Variants in ADGRA2 observed in about 807,000 individuals in gnomAD.
The protein encoded by ADGRA2 is G-protein coupled receptor 124.
In ADGRA2, 61 loss-of-function variants were observed where a neutral mutation model predicts 98.7. That is an observed-to-expected ratio of 0.62 (90% confidence interval 0.50 to 0.76). The LOEUF is 0.76. Among genes scored for constraint, ADGRA2 ranks in the 30% least tolerant of loss-of-function variants. ADGRA2 has a pLI of 0.00. For missense variants in ADGRA2, 1,712 were observed against 1,860.0 expected, an observed-to-expected ratio of 0.92 and a Z score of 1.46; for synonymous variants, 858 against 831.5, an observed-to-expected ratio of 1.03 and a Z score of -0.55.
rs977220472 is a variant in ADGRA2 at position 37,841,689 on chromosome 8, C to T, written c.3351C>T (p.Leu1117=). The part of the protein sequence containing the change: ...SPVFGEGPPS[L]KSSPSGSSGH... ...TGTTCGGGGAGGGCCCCCCCTCCCT[C>T]AAGTCCTCCCCAAGCGGCAGCAGCG... Residue 1117 remains leucine, a synonymous_variant, in exon 19 of 19, where the codon CTC becomes CTT. Coordinates refer to ENST00000412232, the MANE Select transcript of ADGRA2 (RefSeq NM_032777.10). The surrounding 1 kb of genome is among the most constrained non-coding windows in gnomAD (Gnocchi z 5.0). 1.9e-5 allele frequency: 29 copies of T among 1,536,512 alleles called. No individual in the cohort carries two copies. The highest frequency in any genetic ancestry group is 2.5e-5 in the Non-Finnish European group (29 of 1,141,660).
chr8:37,820,511 C>G (rs921762426), intron 2 of ADGRA2, among the ~76,000 whole-genome samples: 1 of 152,264 alleles, frequency 6.6e-6, no homozygotes, highest in African/African-American at 2.4e-5. Flanking sequence ...AGGAATAAGA[C>G]TCCATGGGCT....
In ADGRA2 at chr8:37,828,319, G is replaced by A. The variant is rs566860498; in HGVS notation, c.339-569G>A. ...CAGGGCAGTCCGGAGGTGGGGCAGG[G>A]TGGGAAAGGAGGCCTCCTAACTTCC... On this transcript the variant is annotated intron_variant, in intron 2 of 18. Transcript: ENST00000412232. 3.9e-5 allele frequency among the ~76,000 whole-genome samples: 6 copies of A among 152,226 alleles called. No individual in the cohort carries two copies. The South Asian group carries it at 1.2e-3, about 32-fold the overall frequency.
chr8:37,812,366 G>C (rs1014266909), intron 1 of ADGRA2, among the ~76,000 whole-genome samples: 3 of 152,014 alleles, frequency 2.0e-5, no homozygotes, highest in African/African-American at 7.2e-5. Flanking sequence ...GGTGGCTCAC[G>C]CCTGTAATCC....
chr8:37,801,952 T>G (rs545637315), intron 1 of ADGRA2, among the ~76,000 whole-genome samples: 1 of 152,338 alleles, frequency 6.6e-6, no homozygotes, highest in East Asian at 1.9e-4. Flanking sequence ...CACTTTGAAT[T>G]TCCCCAGAAC....
At chr8:37,818,858 G>A (rs537519622) in intron 2 of ADGRA2, among the ~76,000 whole-genome samples, 2 of 152,310 alleles carry the variant, frequency 1.3e-5, no homozygotes, top group South Asian at 2.1e-4. Context: ...AGGTCAGGAA[G>A]GCCTTGCTGA....
At position 37,840,859 on chromosome 8, in the gene ADGRA2, C is replaced by T; in HGVS notation, c.2747+10C>T. On this transcript the variant is annotated intron_variant, in intron 18 of 18. Transcript: ENST00000412232. Reference sequence around the variant, plus strand: ...GGGACCACAGCCCCTAGTGAGCACCCCTCCCTCCCGCCCCAAGCCTACCTA... The same window carrying T: ...GGGACCACAGCCCCTAGTGAGCACCTCTCCCTCCCGCCCCAAGCCTACCTA... 3 of 1,313,288 alleles carry T rather than the reference C, an allele frequency of 2.3e-6. No individual in the cohort carries two copies. Among genetic ancestry groups the T allele is most frequent in the South Asian group, 2.4e-5 (2 of 84,426 alleles). 81.4% of individuals were successfully genotyped at this position (1,313,288 alleles called of 1,614,324 possible).
chr8:37,839,582 G>T lies in ADGRA2; in HGVS notation c.2471G>T (p.Gly824Val). 6.2e-7 allele frequency: 1 copy of T among 1,614,166 alleles called. No individual in the cohort carries two copies. Among genetic ancestry groups the T allele is most frequent in the Non-Finnish European group, 8.5e-7 (1 of 1,180,018 alleles). The change falls in exon 16 of 19, where the codon GGG (glycine) becomes GTG (valine). Residue 824 changes from glycine (G) to valine (V), a missense_variant. Physicochemically the swap from Gly to Val is moderately radical, Grantham distance 109. Transcript: ENST00000412232. Reference protein sequence around the residue: ...HIAMTSAVFAGGITLTNYQMV... With the variant: ...HIAMTSAVFAVGITLTNYQMV... ...GCCATGACCTCTGCTGTCTTTGCGG[G>T]GGGCATCACACTCACCAACTACCAG... is the stretch of plus-strand genomic sequence containing the variant.
chr8:37,816,653 C>T (rs957827269), intron 2 of ADGRA2, among the ~76,000 whole-genome samples: 1 of 143,986 alleles, frequency 6.9e-6, no homozygotes, highest in African/African-American at 2.6e-5. Flanking sequence ...TGCAGTGGCT[C>T]GTGCCCATAA....
In ADGRA2 at chr8:37,829,918, C is replaced by T. The variant is rs998006888; in HGVS notation, c.622C>T (p.Arg208Cys). The change falls in exon 6 of 19, where the codon CGC becomes TGC. Residue 208 changes from arginine (R) to cysteine (C), a missense_variant. Arg to Cys is a radical substitution (Grantham distance 180, BLOSUM62 -3). Transcript: ENST00000412232. Reference protein sequence around the residue: ...LRWLLPWAQNRSLQLSEHTLC... With the variant: ...LRWLLPWAQNCSLQLSEHTLC... ...CTGGCTGCTGCCCTGGGCCCAGAAT[C>T]GCTCCCTGCAGCTGTCGGAACACAC... is the stretch of plus-strand genomic sequence containing the variant. 12 of 1,612,398 alleles carry T rather than the reference C, an allele frequency of 7.4e-6. No individual in the cohort carries two copies. The highest frequency in any genetic ancestry group is 6.7e-5 in the African/African-American group (5 of 74,894).
At chr8:37,812,276 A>G (rs953870997) in intron 1 of ADGRA2, among the ~76,000 whole-genome samples, 1 of 152,184 alleles carries the variant, frequency 6.6e-6, no homozygotes, top group South Asian at 2.1e-4. Context: ...ACCCCCACCA[A>G]CACTACCTCT....
In ADGRA2 at chr8:37,797,592, AG is replaced by A. The variant is rs1804370804; in HGVS notation, c.266+59del. The A allele has an allele frequency of 8.1e-7, 1 of 1,241,762 alleles. No homozygotes were observed. The highest frequency in any genetic ancestry group is 1.6e-5 in the African/African-American group (1 of 63,974). The allele number at this position is 1,241,762 out of a possible 1,614,324, so 76.9% of individuals were successfully genotyped here. A position where few individuals can be genotyped will look rare whatever the true frequency, so the allele number is the denominator to read the frequency against. On this transcript the variant is annotated intron_variant, in intron 1 of 18. Coordinates refer to ENST00000412232, the MANE Select transcript of ADGRA2 (RefSeq NM_032777.10). This position sits in a 1 kb window ranked among gnomAD's most constrained non-coding sequence, Gnocchi z 5.3. ...CCGGGACTGGGGACGAAGGGAGGCG[AG>A]ACGGGAGGGGTGGGAGCAGGGGGAA...
At position 37,841,609 on chromosome 8, in the gene ADGRA2, G is replaced by GC; in HGVS notation, c.3277dup (p.His1093ProfsTer173). The GC allele has an allele frequency of 1.3e-6, 2 of 1,548,896 alleles. No homozygotes were observed. Among genetic ancestry groups the GC allele is most frequent in the Non-Finnish European group, 1.7e-6 (2 of 1,147,152 alleles). On this transcript the variant is annotated frameshift_variant, in exon 19 of 19. Transcript: ENST00000412232. LOFTEE classifies it low-confidence loss of function (END_TRUNC). This position sits in a 1 kb window ranked among gnomAD's most constrained non-coding sequence, Gnocchi z 5.0. The stretch of plus-strand genomic sequence containing the variant: ...CTGCTGCCCCCCTGCCTCTCCCGCG[G>GC]CCCCCCATGCCCCGCCCCGGGCCCT...
Position 37,829,946 on chromosome 8 carries a change from T to C in ADGRA2, c.650T>C (p.Leu217Pro). The C allele has an allele frequency of 1.2e-6, 2 of 1,610,668 alleles. No homozygotes were observed. Among genetic ancestry groups the C allele is most frequent in the Non-Finnish European group, 1.7e-6 (2 of 1,179,522 alleles). Residue 217 changes from leucine to proline, a missense_variant, in exon 6 of 19, where the codon CTC (leucine) becomes CCC (proline). Physicochemically the swap from Leu to Pro is moderately conservative, Grantham distance 98. Transcript: ENST00000412232. ...TCCCTGCAGCTGTCGGAACACACGC[T>C]CTGTGCTTACCCCAGTGCCCTGCAT... The part of the protein sequence containing the change: ...NRSLQLSEHT[L>P]CAYPSALHAQ...
At chr8:37,811,091 G>A (rs1160983219) in intron 1 of ADGRA2, among the ~76,000 whole-genome samples, 1 of 139,834 alleles carries the variant, frequency 7.2e-6, no homozygotes, top group Non-Finnish European at 1.5e-5. Context: ...TGCAGACTGG[G>A]CAACAGAGCA....
intron 2 of ADGRA2, among the ~76,000 whole-genome samples, chr8:37,821,746 G>A (rs1805132595): frequency 6.6e-6 from 1 of 152,196 alleles, no homozygotes; most frequent in Non-Finnish European, 1.5e-5. Context: ...GTCAGCCCCG[G>A]GATGATTTGT....
intron 1 of ADGRA2, among the ~76,000 whole-genome samples, chr8:37,808,018 G>C (rs1374696178): frequency 6.6e-6 from 1 of 152,206 alleles, no homozygotes; most frequent in Middle Eastern, 3.2e-3. Flanking sequence ...GAGCCTCTCT[G>C]TAGACGCCAG....
chr8:37,830,516 C>G lies in ADGRA2; in HGVS notation c.719-194C>G, dbSNP rs1237749723. On this transcript the variant is annotated intron_variant, in intron 6 of 18. Transcript: ENST00000412232. This position sits in a 1 kb window ranked among gnomAD's most constrained non-coding sequence, Gnocchi z 4.8. The stretch of plus-strand genomic sequence containing the variant: ...CTGAGAAAGGAGTACTTTTCTTTGT[C>G]CAAAAACCGCCTGTCCCTCCCCTTT... Among the ~76,000 whole-genome samples, 1 of 152,160 alleles carries G rather than the reference C, an allele frequency of 6.6e-6. No homozygotes were observed. Among genetic ancestry groups the G allele is most frequent in the Non-Finnish European group, 1.5e-5 (1 of 68,012 alleles).
Position 37,842,258 on chromosome 8 carries a change from A to AG in ADGRA2, c.3926dup (p.Lys1310GlnfsTer81), listed in dbSNP as rs35052362. 17 of 1,563,936 alleles carry AG rather than the reference A, an allele frequency of 1.1e-5. No individual in the cohort carries two copies. Among genetic ancestry groups the AG allele is most frequent in the East Asian group, 2.4e-5 (1 of 41,910 alleles). On this transcript the variant is annotated frameshift_variant, in exon 19 of 19. Coordinates refer to ENST00000412232, the MANE Select transcript of ADGRA2 (RefSeq NM_032777.10). LOFTEE classifies it low-confidence loss of function (END_TRUNC). ...GCCGCCAGCCTAAACGGCGCCCCCA[A>AG]GGGGGGCAAGTACGACGACGTCACC...
intron 1 of ADGRA2, among the ~76,000 whole-genome samples, chr8:37,798,002 C>T (rs1804387783): frequency 6.6e-6 from 1 of 152,218 alleles, no homozygotes. Context: ...ACCTGGCTGG[C>T]CTTGTCCCTT....
Sources: gnomAD v4.1 joint callset for allele counts (sites outside exome capture counted in the v4.1 genomes callset) on GRCh38, gnomAD v4.1.1 for gene constraint, Gnocchi (gnomAD v3.1) non-coding constraint, MANE v1.5 for transcripts, NCBI Gene and HGNC (gene_info 2026-07-23, HGNC 2026-07-21) for gene names.